The following VPS35L variants were observed in gnomAD, a reference collection of about 807,000 sequenced individuals.
VPS35L encodes the protein VPS35 endosomal protein-sorting factor-like.
VPS35L carries 83 observed loss-of-function variants against 133.0 expected under a neutral mutation model. That is an observed-to-expected ratio of 0.62 (90% confidence interval 0.52 to 0.75). The LOEUF is 0.75. Ranked by LOEUF, VPS35L falls within the 30% of genes least tolerant of loss-of-function variation. The pLI is 0.00. For missense variants in VPS35L, 1,083 were observed against 1,206.8 expected, an observed-to-expected ratio of 0.90 and a Z score of 1.52; for synonymous variants, 423 against 449.9, an observed-to-expected ratio of 0.94 and a Z score of 0.76.
intron 5 of VPS35L, 59 bp from the exon 6 acceptor site, chr16:19,578,993 A>C (rs762167607): frequency 7.2e-7 from 1 of 1,383,654 alleles, no homozygotes; most frequent in East Asian, 2.3e-5. Flanking sequence ...AGATGCCTCC[A>C]CTGGGGGTAT....
intron 6 of VPS35L, 118 bp from the exon 7 acceptor site, chr16:19,581,407 C>G: frequency 8.5e-7 from 1 of 1,174,760 alleles, no homozygotes; most frequent in African/African-American, 1.6e-5. Context: ...TCAATCCTGG[C>G]GGGGATATGA....
rs1291118802 is a variant in VPS35L at position 19,686,329 on chromosome 16, GA to G, written c.2527+3944del. On this transcript the variant is annotated intron_variant, in intron 28 of 30. Coordinates refer to ENST00000417362, the MANE Select transcript of VPS35L (RefSeq NM_020314.7). Reference sequence around the variant, plus strand: ...CTTGGCCACTTTCTTCCCAGATTAAGAAAAAGAGAAGGCTCTGACATTGCCT... The same window carrying G: ...CTTGGCCACTTTCTTCCCAGATTAAGAAAAGAGAAGGCTCTGACATTGCCT... 2.6e-5 allele frequency among the ~76,000 whole-genome samples: 4 copies of G among 152,306 alleles called. No homozygotes were observed. In the East Asian group the frequency reaches 7.7e-4, roughly 29 times the overall value.
chr16:19,656,246 A>G lies in VPS35L; in HGVS notation c.2221+4156A>G, dbSNP rs150367021. ...ACCACTGCACTCCAGCCTGGGCAAC[A>G]AAGCGAGACTCTGTCTCAAAAAAAA... On this transcript the variant is annotated intron_variant, in intron 26 of 30. Transcript: ENST00000417362. Among the ~76,000 whole-genome samples the G allele has an allele frequency of 9.5e-3, 1,408 of 148,852 alleles. 29 individuals are homozygous for G. The highest frequency in any genetic ancestry group is 0.034 in the African/African-American group (1,328 of 39,492).
At chr16:19,610,027 C>T (rs1972659970) in intron 11 of VPS35L, among the ~76,000 whole-genome samples, 2 of 152,074 alleles carry the variant, frequency 1.3e-5, no homozygotes, top group Admixed American at 6.6e-5. Context: ...AAGACAAAAA[C>T]TGTTAAAATT....
At chr16:19,571,736 G>T (rs1597314108) in intron 3 of VPS35L, among the ~76,000 whole-genome samples, 1 of 151,756 alleles carries the variant, frequency 6.6e-6, no homozygotes, top group Admixed American at 6.6e-5. Context: ...GTAGAGACAA[G>T]GTTTCGTCAC....
intron 14 of VPS35L, among the ~76,000 whole-genome samples, chr16:19,620,112 G>A (rs915785283): frequency 1.6e-4 from 24 of 152,284 alleles, no homozygotes; most frequent in African/African-American, 5.1e-4. Flanking sequence ...GTCTTAGTCC[G>A]TTCGGGCTGC....
chr16:19,651,918 G>A (rs538892163), intron 25 of VPS35L, 58 bp from the exon 26 acceptor site: 4 of 1,196,338 alleles, frequency 3.3e-6, no homozygotes, highest in South Asian at 2.6e-5. Context: ...GATGAAAACA[G>A]GAGTATGATT....
rs773753882 is a variant in VPS35L at position 19,564,945 on chromosome 16, A to T, written c.112A>T (p.Ile38Leu). 2.5e-6 allele frequency: 4 copies of T among 1,601,504 alleles called. No individual in the cohort carries two copies. The highest frequency in any genetic ancestry group is 1.7e-4 in the Middle Eastern group (1 of 6,022). Reference protein sequence around the residue: ...EFGDYHPLKPITVTESKTKKV... With the variant: ...EFGDYHPLKPLTVTESKTKKV... ...TGGGGACTATCACCCTCTGAAACCCATAACTGTAAGTTTTGTTAAGGGTCT... is the reference window on the plus strand; with the variant it reads ...TGGGGACTATCACCCTCTGAAACCCTTAACTGTAAGTTTTGTTAAGGGTCT... The change falls in exon 2 of 31, where the codon ATA becomes TTA. Residue 38 changes from isoleucine (I) to leucine (L), a missense_variant. Coordinates refer to ENST00000417362, the MANE Select transcript of VPS35L (RefSeq NM_020314.7).
At chr16:19,693,314 G>C (rs1202949580) in intron 29 of VPS35L, among the ~76,000 whole-genome samples, 1 of 152,084 alleles carries the variant, frequency 6.6e-6, no homozygotes, top group Admixed American at 6.6e-5. Flanking sequence ...GCAATGAAGA[G>C]AGGTTGGTTA....
chr16:19,640,698 C>G (rs1289134556), intron 21 of VPS35L, among the ~76,000 whole-genome samples: 1 of 152,180 alleles, frequency 6.6e-6, no homozygotes, highest in Admixed American at 6.5e-5. Flanking sequence ...AACTGCCCGA[C>G]TGCTAGTGGT....
At chr16:19,589,013 C>A (rs192402397) in intron 7 of VPS35L, among the ~76,000 whole-genome samples, 1 of 152,130 alleles carries the variant, frequency 6.6e-6, no homozygotes, top group Non-Finnish European at 1.5e-5. Context: ...TGCAGTTCCT[C>A]GATTACTAAT....
chr16:19,605,907 G>A (rs1440872347), intron 9 of VPS35L, among the ~76,000 whole-genome samples: 5 of 152,140 alleles, frequency 3.3e-5, no homozygotes, highest in African/African-American at 1.2e-4. Context: ...CTTGTGCACT[G>A]TTATCTCCCC....
intron 14 of VPS35L, chr16:19,617,261 G>A (rs1392204796): frequency 3.2e-6 from 1 of 311,300 alleles, no homozygotes; most frequent in African/African-American, 2.1e-5. Flanking sequence ...AGGAGGCTGA[G>A]GTGGGAGGAC....
rs1352378944 is a variant in VPS35L, at chr16:19,610,361, C to A, written c.969C>A (p.Ile323=). ...SECLPRLTCM[I]RGIGDPLVSV... The stretch of plus-strand genomic sequence containing the variant: ...GCCTGCCCCGGTTGACATGCATGAT[C>A]AGAGGGATCGGAGACCCACTAGTGT... Residue 323 remains isoleucine (I), a synonymous_variant, in exon 12 of 31, where the codon ATC becomes ATA. Coordinates refer to ENST00000417362, the MANE Select transcript of VPS35L (RefSeq NM_020314.7). The A allele has an allele frequency of 3.1e-6, 5 of 1,613,986 alleles. No individual in the cohort carries two copies. In the African/African-American group the frequency reaches 6.7e-5, roughly 22 times the overall value.
At chr16:19,562,759 T>C (rs1311398934) in intron 1 of VPS35L, among the ~76,000 whole-genome samples, 1 of 152,118 alleles carries the variant, frequency 6.6e-6, no homozygotes, top group Non-Finnish European at 1.5e-5. Flanking sequence ...CTTCAGATTT[T>C]TTTTTCTTTT....
intron 26 of VPS35L, among the ~76,000 whole-genome samples, chr16:19,666,996 T>TCTTTCTTTC (rs147556257): frequency 9.3e-6 from 1 of 107,856 alleles, no homozygotes. Flanking sequence ...TTCTTTCTTT[T>TCTTTCTTTC]TTTTTGAGAC....
chr16:19,661,690 C>T (rs182467855), intron 26 of VPS35L, among the ~76,000 whole-genome samples: 9 of 152,342 alleles, frequency 5.9e-5, no homozygotes, highest in African/African-American at 9.6e-5. Flanking sequence ...GCCATCCTCA[C>T]GGTGCAGTGC....
At chr16:19,562,676 A>T (rs1259394503) in intron 1 of VPS35L, among the ~76,000 whole-genome samples, 1 of 152,210 alleles carries the variant, frequency 6.6e-6, no homozygotes, top group Non-Finnish European at 1.5e-5. Flanking sequence ...GATCTTCATA[A>T]TAGAGATTAA....
At chr16:19,646,873 T>C (rs9925688) in intron 23 of VPS35L, among the ~76,000 whole-genome samples, 2,459 of 152,198 alleles carry the variant, frequency 0.016, 76 homozygotes, top group African/African-American at 0.057. Flanking sequence ...CCCACCATTA[T>C]ACTATCCCAG....
Sources: gnomAD v4.1 joint callset for allele counts (sites outside exome capture counted in the v4.1 genomes callset) on GRCh38, gnomAD v4.1.1 for gene constraint, MANE v1.5 for transcripts, NCBI Gene and HGNC (gene_info 2026-07-23, HGNC 2026-07-21) for gene names.